EDA: variants seen among roughly 807,000 people sequenced by gnomAD.
The protein encoded by EDA is ectodysplasin A.
In EDA, 2 loss-of-function variants were observed where a neutral mutation model predicts 23.6. The observed-to-expected ratio is 0.08, with a 90% CI of 0.03 to 0.27. The LOEUF is 0.27. Ranked by LOEUF, EDA falls within the 10% of genes least tolerant of loss-of-function variation. The pLI is 1.00. For missense variants in EDA, 229 were observed against 324.2 expected, an observed-to-expected ratio of 0.71 and a Z score of 2.26; for synonymous variants, 131 against 132.0, an observed-to-expected ratio of 0.99 and a Z score of 0.05.
chrX:70,023,059 A>T (rs1358715830), intron 2 of EDA, 159 bp from the exon 3 acceptor site: 32 of 337,974 alleles, frequency 9.5e-5, no homozygotes, highest in Non-Finnish European at 2.7e-5. Context: ...CAGAATGGGG[A>T]GGTTTGATAG....
At chrX:69,769,573 C>G (rs1210701678) in intron 1 of EDA, among the ~76,000 whole-genome samples, 1 of 110,945 alleles carries the variant, frequency 9.0e-6, no homozygotes, top group Non-Finnish European at 1.9e-5. Context: ...TTTTATTTAT[C>G]CCAGATATTC....
chrX:69,760,249 A>G (rs1380114362), intron 1 of EDA, among the ~76,000 whole-genome samples: 1 of 107,083 alleles, frequency 9.3e-6, no homozygotes, highest in Non-Finnish European at 1.9e-5. Context: ...CATCATCATC[A>G]TTTTGCCTAG....
chrX:69,883,253 C>T (rs763744231), intron 1 of EDA, among the ~76,000 whole-genome samples: 4 of 111,854 alleles, frequency 3.6e-5, no homozygotes, highest in Non-Finnish European at 7.5e-5. Flanking sequence ...GTCCCAACCA[C>T]CTCTTCCATT....
At chrX:69,789,243 C>T (rs964743493) in intron 1 of EDA, among the ~76,000 whole-genome samples, 1 of 112,087 alleles carries the variant, frequency 8.9e-6, no homozygotes, top group Non-Finnish European at 1.9e-5. Context: ...ATGCAGAAAT[C>T]ACCCGTCTTC....
chrX:69,739,091 A>T (rs1475822586), intron 1 of EDA, among the ~76,000 whole-genome samples: 1 of 111,330 alleles, frequency 9.0e-6, no homozygotes, highest in African/African-American at 3.2e-5. Flanking sequence ...GGGATATTGA[A>T]GTTTCCAACT....
intron 2 of EDA, among the ~76,000 whole-genome samples, chrX:69,964,452 G>A (rs1479114800): frequency 9.0e-6 from 1 of 111,641 alleles, no homozygotes; most frequent in African/African-American, 3.3e-5. Context: ...AGAATAGATG[G>A]TTGAATTGTT....
chrX:69,698,295 G>A (rs1255804831), intron 1 of EDA, among the ~76,000 whole-genome samples: 2 of 111,465 alleles, frequency 1.8e-5, no homozygotes, highest in Non-Finnish European at 3.8e-5. Flanking sequence ...CTGGTGCGAC[G>A]GATCCAGTAG....
chrX:69,830,765 A>G (rs888480762), intron 1 of EDA, among the ~76,000 whole-genome samples: 4 of 112,004 alleles, frequency 3.6e-5, no homozygotes, highest in African/African-American at 1.3e-4. Context: ...TTGGTGACAT[A>G]GAATGTTTCC....
intron 1 of EDA, among the ~76,000 whole-genome samples, chrX:69,902,160 G>A (rs1290960664): frequency 1.1e-5 from 1 of 89,323 alleles, no homozygotes; most frequent in Non-Finnish European, 2.3e-5. Flanking sequence ...ATAGAGAACT[G>A]AGAACCCATG....
intron 1 of EDA, among the ~76,000 whole-genome samples, chrX:69,886,458 GT>G (rs1223466144): frequency 1.8e-5 from 2 of 111,531 alleles, no homozygotes; most frequent in African/African-American, 6.5e-5. Context: ...GAAGACTTCA[GT>G]TTCAGCTTGT....
At position 69,616,169 on chromosome X, in the gene EDA, G is replaced by C; in HGVS notation, c.-140G>C. The C allele has an allele frequency of 1.8e-6, 1 of 553,258 alleles. No homozygotes were observed. The highest frequency in any genetic ancestry group is 2.4e-5 in the African/African-American group (1 of 41,055). The allele number at this position is 553,258 out of a possible 1,213,427, so 45.6% of individuals were successfully genotyped here. ...ATGCGGCTGCTCCCTGCTCCGTCCC[G>C]CCCAGCCACTGTCGCGCAGGAACGG... On this transcript the variant is annotated 5_prime_UTR_variant, in exon 1 of 8. Transcript: ENST00000374552.
intron 2 of EDA, among the ~76,000 whole-genome samples, chrX:69,997,718 C>G (rs763366197): frequency 2.5e-4 from 28 of 112,299 alleles, no homozygotes; most frequent in Non-Finnish European, 4.7e-4. Flanking sequence ...GGCCCAGGGT[C>G]CCTGTGCTGT....
intron 1 of EDA, among the ~76,000 whole-genome samples, chrX:69,940,931 C>T (rs1403659320): frequency 9.0e-6 from 1 of 111,616 alleles, no homozygotes; most frequent in Non-Finnish European, 1.9e-5. Flanking sequence ...CCTCTTAGTA[C>T]TGCTTTCACT....
chrX:69,969,925 A>C (rs1301406801), intron 2 of EDA, among the ~76,000 whole-genome samples: 2 of 110,861 alleles, frequency 1.8e-5, no homozygotes, highest in Non-Finnish European at 3.8e-5. Flanking sequence ...GGAACATAGC[A>C]AGACCCCCAT....
chrX:69,660,691 A>G (rs1431240412), intron 1 of EDA, among the ~76,000 whole-genome samples: 2 of 111,622 alleles, frequency 1.8e-5, no homozygotes, highest in African/African-American at 6.5e-5. Flanking sequence ...TTATGGCTGC[A>G]TAGTATTCCA....
chrX:69,848,484 C>G (rs895222163), intron 1 of EDA, among the ~76,000 whole-genome samples: 1 of 111,069 alleles, frequency 9.0e-6, no homozygotes, highest in African/African-American at 3.3e-5. Context: ...GTTTTTCATC[C>G]CACTACCATT....
chrX:69,684,288 A>T (rs776454632), intron 1 of EDA, among the ~76,000 whole-genome samples: 4 of 111,969 alleles, frequency 3.6e-5, no homozygotes, highest in Non-Finnish European at 7.5e-5. Context: ...GGAAGGAGAC[A>T]GAAAAACCGA....
At chrX:69,822,565 G>A (rs1430780170) in intron 1 of EDA, among the ~76,000 whole-genome samples, 1 of 111,700 alleles carries the variant, frequency 9.0e-6, no homozygotes, top group Non-Finnish European at 1.9e-5. Context: ...ATCAATGTAA[G>A]AAGAAACTTT....
chrX:69,916,559 C>T (rs867862337), intron 1 of EDA, among the ~76,000 whole-genome samples: 38 of 108,820 alleles, frequency 3.5e-4, no homozygotes, highest in African/African-American at 1.1e-3. Flanking sequence ...CCCGCCACCA[C>T]GCCCGGCTAA....
Sources: gnomAD v4.1 joint callset for allele counts (sites outside exome capture counted in the v4.1 genomes callset) on GRCh38, gnomAD v4.1.1 for gene constraint, MANE v1.5 for transcripts, NCBI Gene and HGNC (gene_info 2026-07-23, HGNC 2026-07-21) for gene names.